Variants in IPCEF1 observed in about 807,000 individuals in gnomAD.
The protein encoded by IPCEF1 is interactor protein for cytohesin exchange factors 1.
Under a neutral mutation model 50.9 loss-of-function variants are expected in IPCEF1, and 31 were observed. The ratio of observed to expected loss-of-function variants is 0.61; its 90% CI spans 0.46 to 0.82. The LOEUF is 0.82. IPCEF1 is among the 40% of genes least tolerant of loss of function. The pLI is 0.00. For missense variants in IPCEF1, 458 were observed against 514.0 expected (o/e 0.89, Z 1.05); for synonymous variants, 181 against 192.0 (o/e 0.94, Z 0.47).
intron 11 of IPCEF1, 87 bp from the exon 12 acceptor site, chr6:154,160,127 C>T (rs1057424794): frequency 3.0e-6 from 3 of 990,308 alleles, no homozygotes; most frequent in East Asian, 2.5e-5. Context: ...TTTACAAGTA[C>T]ACATATACAT....
chr6:154,187,267 C>T (rs1248940798), intron 10 of IPCEF1, among the ~76,000 whole-genome samples: 1 of 152,188 alleles, frequency 6.6e-6, no homozygotes, highest in Admixed American at 6.5e-5. Flanking sequence ...TCCAGTCTCT[C>T]TCTAACCCCC....
In IPCEF1 at chr6:154,331,441, GA is replaced by G. The variant is rs1298481123; in HGVS notation, c.-62+25230del. ...AAAGAAAGAGAGAGAGAGAAAGAAAGAGAACGAAAGAAAGAAAGGAAAAGAA... is the reference window on the plus strand; with the variant it reads ...AAAGAAAGAGAGAGAGAGAAAGAAAGGAACGAAAGAAAGAAAGGAAAAGAA... On this transcript the variant is annotated intron_variant, in intron 1 of 11. Coordinates refer to ENST00000367220, the MANE Select transcript of IPCEF1 (RefSeq NM_001130700.2). Among the ~76,000 whole-genome samples, 127 of 132,462 alleles carry G rather than the reference GA, an allele frequency of 9.6e-4. 1 individual carries two copies. The highest frequency in any genetic ancestry group is 3.5e-3 in the African/African-American group (123 of 35,212). 86.9% of individuals were successfully genotyped at this position (132,462 alleles called of 152,430 possible).
intron 5 of IPCEF1, among the ~76,000 whole-genome samples, chr6:154,231,558 T>A (rs1053924594): frequency 1.3e-5 from 2 of 152,234 alleles, no homozygotes; most frequent in African/African-American, 4.8e-5. Flanking sequence ...AAAAACGCCA[T>A]ACAACGCGTA....
chr6:154,245,416 T>C (rs1163082005), intron 5 of IPCEF1, among the ~76,000 whole-genome samples: 1 of 152,170 alleles, frequency 6.6e-6, no homozygotes, highest in Non-Finnish European at 1.5e-5. Flanking sequence ...AGCACTGGAA[T>C]TGGATTTGGG....
chr6:154,342,976 C>A (rs1237120884), intron 1 of IPCEF1, among the ~76,000 whole-genome samples: 1 of 152,062 alleles, frequency 6.6e-6, no homozygotes, highest in African/African-American at 2.4e-5. Context: ...ACTAGTAAGG[C>A]TTGGTCACAT....
chr6:154,218,336 A>G (rs1298584815), intron 7 of IPCEF1, among the ~76,000 whole-genome samples: 1 of 152,240 alleles, frequency 6.6e-6, no homozygotes, highest in Non-Finnish European at 1.5e-5. Context: ...GAACTCTTTC[A>G]TTACCCTTAA....
chr6:154,354,215 G>A (rs920451370), intron 1 of IPCEF1, among the ~76,000 whole-genome samples: 3 of 152,134 alleles, frequency 2.0e-5, no homozygotes, highest in Admixed American at 1.3e-4. Flanking sequence ...GCCCCCAACT[G>A]TGTTTTCTCT....
chr6:154,264,855 C>G (rs910354148), intron 3 of IPCEF1, among the ~76,000 whole-genome samples: 7 of 151,834 alleles, frequency 4.6e-5, no homozygotes, highest in Non-Finnish European at 1.0e-4. Flanking sequence ...GTGTCCCTTT[C>G]AGGAGCTGTC....
In IPCEF1 at chr6:154,171,544, T is replaced by C. The variant is rs1476474648; in HGVS notation, c.911-3431A>G. 2.6e-5 allele frequency among the ~76,000 whole-genome samples: 4 copies of C among 152,178 alleles called. No homozygotes were observed. The East Asian group carries it at 7.7e-4, about 29-fold the overall frequency. Reference sequence around the variant, plus strand: ...GATGCTGAAATGTTCCAAAATTAGATTGTGATGACAGCTGCACAATTCCAA... The same window carrying C: ...GATGCTGAAATGTTCCAAAATTAGACTGTGATGACAGCTGCACAATTCCAA... On this transcript the variant is annotated intron_variant, in intron 10 of 11. Transcript: ENST00000367220.
At chr6:154,315,929 A>AGCTCACTGCAATCTCC (rs1482083940) in intron 1 of IPCEF1, among the ~76,000 whole-genome samples, 26 of 151,610 alleles carry the variant, frequency 1.7e-4, no homozygotes, top group African/African-American at 5.8e-4. Context: ...CTGCAATCTC[A>AGCTCACTGCAATCTCC]GCTCACTGCA....
intron 2 of IPCEF1, among the ~76,000 whole-genome samples, chr6:154,267,877 C>A (rs992365049): frequency 2.0e-5 from 3 of 152,226 alleles, no homozygotes; most frequent in African/African-American, 7.2e-5. Context: ...CTCCTCCCTG[C>A]AGCTGGTTGT....
intron 2 of IPCEF1, among the ~76,000 whole-genome samples, chr6:154,271,792 T>C (rs1781908117): frequency 6.6e-6 from 1 of 152,178 alleles, no homozygotes; most frequent in Non-Finnish European, 1.5e-5. Context: ...GAGACCAGCC[T>C]GGGCAACATA....
intron 2 of IPCEF1, among the ~76,000 whole-genome samples, chr6:154,286,561 A>G (rs1458560303): frequency 2.6e-5 from 4 of 152,210 alleles, no homozygotes; most frequent in Non-Finnish European, 2.9e-5. Flanking sequence ...CTAGAAAAAT[A>G]TCATAATAAG....
At chr6:154,260,048 A>G (rs1781557615) in intron 3 of IPCEF1, among the ~76,000 whole-genome samples, 1 of 152,220 alleles carries the variant, frequency 6.6e-6, no homozygotes, top group African/African-American at 2.4e-5. Context: ...TGTTTCATGC[A>G]GGCAGAAATC....
intron 10 of IPCEF1, among the ~76,000 whole-genome samples, chr6:154,176,159 G>A (rs1800309467): frequency 6.6e-6 from 1 of 152,146 alleles, no homozygotes; most frequent in African/African-American, 2.4e-5. Context: ...ACTAGGTATT[G>A]ATGGAATGTA....
rs149967516 is a variant in IPCEF1, at chr6:154,334,143, G to A, written c.-62+22529C>T. On this transcript the variant is annotated intron_variant, in intron 1 of 11. Coordinates refer to ENST00000367220, the MANE Select transcript of IPCEF1 (RefSeq NM_001130700.2). Reference sequence around the variant, plus strand: ...TGGGTCAGATAGTTTGGCAATCCCAGTTCACCCTTAGTTGGAAGCATCTGA... The same window carrying A: ...TGGGTCAGATAGTTTGGCAATCCCAATTCACCCTTAGTTGGAAGCATCTGA... Among the ~76,000 whole-genome samples the A allele has an allele frequency of 3.3e-3, 509 of 152,226 alleles. 3 individuals carry two copies. Among genetic ancestry groups the A allele is most frequent in the African/African-American group, 0.012 (491 of 41,536 alleles).
At chr6:154,346,902 A>C (rs541361494) in intron 1 of IPCEF1, among the ~76,000 whole-genome samples, 59 of 152,244 alleles carry the variant, frequency 3.9e-4, no homozygotes, top group Non-Finnish European at 7.6e-4. Context: ...TCCCTATCCA[A>C]GCATATCCTC....
chr6:154,215,175 A>G (rs1778288033), intron 7 of IPCEF1, among the ~76,000 whole-genome samples: 1 of 152,180 alleles, frequency 6.6e-6, no homozygotes, highest in Admixed American at 6.5e-5. Flanking sequence ...AGCCATGAAC[A>G]ATTCAGCATA....
chr6:154,230,479 GC>G (rs1779631896), intron 5 of IPCEF1, among the ~76,000 whole-genome samples: 1 of 152,136 alleles, frequency 6.6e-6, no homozygotes, highest in Non-Finnish European at 1.5e-5. Context: ...GATAACATTT[GC>G]CCTTTTCGTA....
Sources: gnomAD v4.1 joint callset for allele counts (sites outside exome capture counted in the v4.1 genomes callset) on GRCh38, gnomAD v4.1.1 for gene constraint, MANE v1.5 for transcripts, NCBI Gene and HGNC (gene_info 2026-07-23, HGNC 2026-07-21) for gene names.